The following STK31 variants were observed in gnomAD, a reference collection of about 807,000 sequenced individuals.
The protein encoded by STK31 is serine/threonine kinase 31.
In STK31, 89 loss-of-function variants were observed where a neutral mutation model predicts 129.7. The ratio of observed to expected loss-of-function variants is 0.69; its 90% CI spans 0.58 to 0.82. The LOEUF (loss-of-function observed/expected upper bound fraction) is 0.82, where lower values mean the gene tolerates loss of function less well. Ranked by LOEUF, STK31 falls within the 40% of genes least tolerant of loss-of-function variation. STK31 has a pLI of 0.00. For synonymous variants in STK31, 448 were observed against 395.3 expected (o/e 1.13, Z -1.58); for missense variants, 1,187 against 1,176.4 (o/e 1.01, Z -0.13).
chr7:23,832,459 T>C lies in STK31; in HGVS notation c.*93T>C. The C allele has an allele frequency of 1.1e-6, 1 of 898,180 alleles. No homozygotes were observed. Among genetic ancestry groups the C allele is most frequent in the Non-Finnish European group, 1.7e-6 (1 of 579,064 alleles). The allele number at this position is 898,180 out of a possible 1,614,324, so 55.6% of individuals were successfully genotyped here. A position where few individuals can be genotyped will look rare whatever the true frequency, so the allele number is the denominator to read the frequency against. ...TAGAAATGTTCTGGGACTAGTTGAG[T>C]TGTATCTTTAGTATTCAGGTTGTGA... On this transcript the variant is annotated 3_prime_UTR_variant, in exon 24 of 24. Coordinates refer to ENST00000355870, the MANE Select transcript of STK31 (RefSeq NM_031414.5).
At chr7:23,795,650 C>G (rs1260139338) in intron 22 of STK31, among the ~76,000 whole-genome samples, 1 of 152,190 alleles carries the variant, frequency 6.6e-6, no homozygotes, top group African/African-American at 2.4e-5. Flanking sequence ...ATGAAAGCAG[C>G]CAGAAGCGGG....
intron 4 of STK31, among the ~76,000 whole-genome samples, chr7:23,725,371 A>C (rs4719733): frequency 8.6e-6 from 1 of 116,378 alleles, no homozygotes; most frequent in Non-Finnish European, 1.8e-5. Context: ...CCCTGTTTCT[A>C]CAAAAAAAAA....
intron 21 of STK31, among the ~76,000 whole-genome samples, chr7:23,788,896 A>G (rs1791457137): frequency 6.6e-6 from 1 of 152,294 alleles, no homozygotes; most frequent in East Asian, 1.9e-4. Context: ...GATAACCAGT[A>G]TTGAATTCCA....
intron 10 of STK31, among the ~76,000 whole-genome samples, chr7:23,762,295 A>G (rs756217228): frequency 1.8e-4 from 26 of 143,124 alleles, no homozygotes; most frequent in Non-Finnish European, 3.6e-4. Flanking sequence ...TTTCTTGGGT[A>G]CAGGATGGAT....
intron 22 of STK31, among the ~76,000 whole-genome samples, chr7:23,805,082 T>C (rs1182893367): frequency 1.3e-5 from 1 of 76,700 alleles, no homozygotes; most frequent in Non-Finnish European, 2.4e-5. Flanking sequence ...TCTCTCTCTC[T>C]TTTTTTTTTT....
At chr7:23,788,602 A>G (rs1791438125) in intron 21 of STK31, among the ~76,000 whole-genome samples, 2 of 152,274 alleles carry the variant, frequency 1.3e-5, no homozygotes, top group Non-Finnish European at 2.9e-5. Context: ...ATTCAGTGTC[A>G]TATTACCTCA....
chr7:23,721,921 T>C (rs963522153), intron 4 of STK31: 3 of 366,664 alleles, frequency 8.2e-6, no homozygotes, highest in East Asian at 1.3e-4. Flanking sequence ...GGTTCTCAGC[T>C]CCATCAGGTC....
intron 15 of STK31, among the ~76,000 whole-genome samples, chr7:23,773,725 G>T (rs1428718537): frequency 1.1e-5 from 1 of 93,770 alleles, no homozygotes; most frequent in East Asian, 2.4e-4. Context: ...ACTTGTGTGT[G>T]TGTGTGTGAG....
intron 10 of STK31, among the ~76,000 whole-genome samples, chr7:23,756,319 A>G (rs568714319): frequency 2.3e-4 from 35 of 152,256 alleles, no homozygotes; most frequent in Non-Finnish European, 4.3e-4. Context: ...GTGTGTAGGA[A>G]TGCTTGTGAT....
At chr7:23,759,724 G>A (rs552591420) in intron 10 of STK31, among the ~76,000 whole-genome samples, 3 of 152,236 alleles carry the variant, frequency 2.0e-5, no homozygotes, top group South Asian at 4.1e-4. Context: ...TGTGTTACTA[G>A]GCAACATTAT....
chr7:23,716,144 C>T (rs1786303183), intron 3 of STK31, among the ~76,000 whole-genome samples: 1 of 152,112 alleles, frequency 6.6e-6, no homozygotes, highest in African/African-American at 2.4e-5. Flanking sequence ...CCTTGGTTTC[C>T]TTTAACCTCT....
intron 22 of STK31, among the ~76,000 whole-genome samples, chr7:23,802,733 C>T (rs1201363714): frequency 2.0e-5 from 3 of 152,100 alleles, no homozygotes; most frequent in African/African-American, 7.2e-5. Flanking sequence ...AGGCTGGTCT[C>T]GAACTCCTGA....
chr7:23,759,116 G>A (rs890957615), intron 10 of STK31, among the ~76,000 whole-genome samples: 8 of 152,272 alleles, frequency 5.3e-5, no homozygotes, highest in African/African-American at 1.9e-4. Context: ...CACCCAAGGA[G>A]CACCCAGATT....
chr7:23,816,921 C>G (rs943506161), intron 23 of STK31, among the ~76,000 whole-genome samples: 7 of 152,128 alleles, frequency 4.6e-5, no homozygotes, highest in African/African-American at 1.4e-4. Context: ...CATGGTGGCT[C>G]ACGCCTGTAA....
intron 11 of STK31, among the ~76,000 whole-genome samples, chr7:23,763,177 G>T (rs144521803): frequency 6.6e-6 from 1 of 152,144 alleles, no homozygotes; most frequent in Non-Finnish European, 1.5e-5. Context: ...GAAATTAATG[G>T]AGACAGGAGC....
intron 21 of STK31, among the ~76,000 whole-genome samples, chr7:23,789,192 A>G (rs2128113212): frequency 6.8e-6 from 1 of 147,152 alleles, no homozygotes; most frequent in East Asian, 2.0e-4. Context: ...TTTTGTTTAT[A>G]TATTCATCAG....
chr7:23,710,669 C>T (rs1266986119), intron 1 of STK31: 5 of 1,119,704 alleles, frequency 4.5e-6, no homozygotes, highest in Non-Finnish European at 3.3e-6. Flanking sequence ...TACGTGTACC[C>T]GTTTCTTCCA....
rs186454777 is a variant in STK31, at chr7:23,771,340, C to A, written c.1833+216C>A. 149 of 343,364 alleles carry A rather than the reference C, an allele frequency of 4.3e-4. 1 individual carries two copies. The highest frequency in any genetic ancestry group is 9.6e-5 in the Non-Finnish European group (19 of 197,332). The allele number at this position is 343,364 out of a possible 1,614,324, so 21.3% of individuals were successfully genotyped here. ...TGTCCATGAGAACCACAATTTTTAA[C>A]ATCATTTTCTTTTTGCCTGTATGAG... On this transcript the variant is annotated intron_variant, in intron 14 of 23. Coordinates refer to ENST00000355870, the MANE Select transcript of STK31 (RefSeq NM_031414.5).
At chr7:23,736,697 T>A (rs377030233) in intron 7 of STK31, among the ~76,000 whole-genome samples, 1 of 152,202 alleles carries the variant, frequency 6.6e-6, no homozygotes, top group Admixed American at 6.6e-5. Context: ...TTTTGAGAAT[T>A]AGAGGCATTA....
Sources: allele counts gnomAD v4.1 joint callset (sites outside exome capture counted in the v4.1 genomes callset), GRCh38; gene constraint gnomAD v4.1.1; transcripts MANE v1.5; gene names NCBI Gene and HGNC (gene_info 2026-07-23, HGNC 2026-07-21).